ZNF407: variants seen among roughly 807,000 people sequenced by gnomAD.
ZNF407 encodes the protein zinc finger protein 407.
A neutral mutation model predicts 131.2 loss-of-function variants in ZNF407; 17 were observed. That is an observed-to-expected ratio of 0.13 (90% CI 0.09 to 0.19). ZNF407 has a LOEUF of 0.19. Ranked by LOEUF, ZNF407 falls within the 10% of genes least tolerant of loss-of-function variation. ZNF407 has a pLI of 1.00. For synonymous variants in ZNF407, 1,156 were observed against 1,062.0 expected (o/e 1.09, Z -1.72); for missense variants, 2,681 against 2,830.6 (o/e 0.95, Z 1.20).
intron 3 of ZNF407, among the ~76,000 whole-genome samples, chr18:74,690,264 T>A (rs919624625): frequency 2.0e-5 from 3 of 152,164 alleles, no homozygotes; most frequent in Admixed American, 6.5e-5. Context: ...GAAGAATAAT[T>A]CCTTTACAAG....
chr18:74,994,384 A>T (rs1972754593), intron 8 of ZNF407, among the ~76,000 whole-genome samples: 1 of 152,252 alleles, frequency 6.6e-6, no homozygotes, highest in Non-Finnish European at 1.5e-5. Context: ...AGTTACAAAA[A>T]ATAAGATCAA....
chr18:74,973,303 A>G (rs1227073562), intron 8 of ZNF407, among the ~76,000 whole-genome samples: 4 of 152,190 alleles, frequency 2.6e-5, no homozygotes, highest in Admixed American at 6.5e-5. Context: ...CATTGAGACC[A>G]TGTTAGACAG....
chr18:74,697,611 G>A (rs574286), intron 3 of ZNF407, among the ~76,000 whole-genome samples: 120,289 of 152,064 alleles, frequency 0.79, 47,742 homozygotes, highest in South Asian at 0.89. Flanking sequence ...CCAGTGTCAT[G>A]TATTTGTGCC....
chr18:74,617,088 C>A, intron 1 of ZNF407, among the ~76,000 whole-genome samples: 1 of 70,808 alleles, frequency 1.4e-5, no homozygotes, highest in Non-Finnish European at 2.9e-5. Flanking sequence ...CATCCATATC[C>A]ATGCACCAAC....
chr18:74,933,037 T>G (rs1269267924), intron 8 of ZNF407, among the ~76,000 whole-genome samples: 1 of 152,176 alleles, frequency 6.6e-6, no homozygotes, highest in Non-Finnish European at 1.5e-5. Flanking sequence ...CAGTTCCACT[T>G]TGGGATAGAT....
chr18:74,807,880 T>A (rs965072017), intron 4 of ZNF407, among the ~76,000 whole-genome samples: 2 of 152,170 alleles, frequency 1.3e-5, no homozygotes, highest in African/African-American at 4.8e-5. Context: ...TTTTTTTAAT[T>A]GTTTTATTTT....
chr18:75,046,778 C>G (rs1430286603), intron 8 of ZNF407, among the ~76,000 whole-genome samples: 1 of 150,760 alleles, frequency 6.6e-6, no homozygotes, highest in Non-Finnish European at 1.5e-5. Flanking sequence ...AAAAAAAAAG[C>G]CTTACCTCAC....
intron 4 of ZNF407, among the ~76,000 whole-genome samples, chr18:74,859,338 A>G (rs1970904710): frequency 1.3e-5 from 2 of 152,242 alleles, no homozygotes; most frequent in Non-Finnish European, 2.9e-5. Flanking sequence ...AAGACTAGAA[A>G]TACATTATAG....
chr18:75,013,209 A>G (rs1568300846), intron 8 of ZNF407, among the ~76,000 whole-genome samples: 1 of 152,136 alleles, frequency 6.6e-6, no homozygotes, highest in Non-Finnish European at 1.5e-5. Flanking sequence ...ATGCGGTGAC[A>G]TGTGGGCAAT....
intron 8 of ZNF407, among the ~76,000 whole-genome samples, chr18:75,036,468 A>T (rs1389157064): frequency 6.6e-6 from 1 of 152,240 alleles, no homozygotes; most frequent in Non-Finnish European, 1.5e-5. Flanking sequence ...GTTCACACCC[A>T]AGATGAGGAA....
intron 3 of ZNF407, among the ~76,000 whole-genome samples, chr18:74,756,358 C>A (rs1968963248): frequency 6.6e-6 from 1 of 151,964 alleles, no homozygotes; most frequent in African/African-American, 2.4e-5. Flanking sequence ...GGCAAAGGGG[C>A]AGGTTGGAAT....
chr18:74,896,690 C>T (rs1339261807), intron 7 of ZNF407, among the ~76,000 whole-genome samples: 2 of 152,170 alleles, frequency 1.3e-5, no homozygotes, highest in East Asian at 1.9e-4. Context: ...CATGATGACA[C>T]TTTATACCGG....
chr18:74,763,241 T>C (rs1344027944), intron 3 of ZNF407, among the ~76,000 whole-genome samples: 1 of 149,006 alleles, frequency 6.7e-6, no homozygotes, highest in African/African-American at 2.5e-5. Context: ...GTATTTCTTC[T>C]TTGGTGAAGG....
In ZNF407 at chr18:74,635,007, A is replaced by C; in HGVS notation, c.3988A>C (p.Thr1330Pro). Residue 1330 changes from threonine (T) to proline (P), a missense_variant, in exon 2 of 9, where the codon ACA becomes CCA. Thr to Pro is a conservative substitution (Grantham distance 38). This residue lies in a region of ZNF407 where 1,789 missense variants were observed against 1,748.7 expected (regional missense o/e 1.02). Transcript: ENST00000299687. This position sits in a 1 kb window ranked among gnomAD's most constrained non-coding sequence, Gnocchi z 4.7. ...LEEDGPASDS[T>P]VESSDVYETI... ...GGAGGATGGCCCAGCTTCTGATAGC[A>C]CAGTTGAAAGTAGTGATGTCTATGA... is the stretch of plus-strand genomic sequence containing the variant. 1 of 1,614,030 alleles carries C rather than the reference A, an allele frequency of 6.2e-7. No individual in the cohort carries two copies. Among genetic ancestry groups the C allele is most frequent in the Non-Finnish European group, 8.5e-7 (1 of 1,179,894 alleles).
intron 4 of ZNF407, among the ~76,000 whole-genome samples, chr18:74,865,238 G>C (rs1419260107): frequency 6.6e-6 from 1 of 152,124 alleles, no homozygotes; most frequent in Non-Finnish European, 1.5e-5. Context: ...GTAATTTCTT[G>C]GACATCAGTT....
chr18:74,650,742 C>T, intron 3 of ZNF407, among the ~76,000 whole-genome samples: 1 of 151,942 alleles, frequency 6.6e-6, no homozygotes, highest in East Asian at 1.9e-4. Context: ...TGTTTGTTAC[C>T]CCAAAGAACA....
intron 3 of ZNF407, among the ~76,000 whole-genome samples, chr18:74,664,805 T>C (rs1388353520): frequency 2.0e-5 from 3 of 152,118 alleles, no homozygotes; most frequent in Admixed American, 6.5e-5. Context: ...TGCGTATCTG[T>C]GTGTTGCTGC....
chr18:74,999,948 T>C (rs910684592), intron 8 of ZNF407, among the ~76,000 whole-genome samples: 1 of 152,200 alleles, frequency 6.6e-6, no homozygotes, highest in Non-Finnish European at 1.5e-5. Flanking sequence ...AGAACATAAA[T>C]AGAATATCAT....
chr18:74,873,606 A>G (rs948220498), intron 4 of ZNF407, among the ~76,000 whole-genome samples: 1 of 152,176 alleles, frequency 6.6e-6, no homozygotes, highest in Non-Finnish European at 1.5e-5. Flanking sequence ...TCAAGCCTGT[A>G]ATCCCAGCAG....
Sources: gnomAD v4.1 joint callset for allele counts (sites outside exome capture counted in the v4.1 genomes callset) on GRCh38, gnomAD v4.1.1 for gene constraint, gnomAD v4.1.1 regional missense constraint, Gnocchi (gnomAD v3.1) non-coding constraint, MANE v1.5 for transcripts, NCBI Gene and HGNC (gene_info 2026-07-23, HGNC 2026-07-21) for gene names.